The following UBE2D2 variants were observed in gnomAD, a reference collection of about 807,000 sequenced individuals.
UBE2D2 encodes ubiquitin conjugating enzyme E2 D2.
A neutral mutation model predicts 24.2 loss-of-function variants in UBE2D2; 2 were observed. That is an observed-to-expected ratio of 0.08 (90% CI 0.03 to 0.26). UBE2D2 has a LOEUF of 0.26. Among genes scored for constraint, UBE2D2 ranks in the 10% least tolerant of loss-of-function variants. The pLI, the probability that UBE2D2 is intolerant of heterozygous loss-of-function variation, is 1.00. For synonymous variants in UBE2D2, 58 were observed against 56.5 expected, an observed-to-expected ratio of 1.03 and a Z score of -0.12; for missense variants, 44 against 177.6, an observed-to-expected ratio of 0.25 and a Z score of 4.28.
At chr5:139,610,275 G>A (rs1045203714) in intron 2 of UBE2D2, among the ~76,000 whole-genome samples, 1 of 150,978 alleles carries the variant, frequency 6.6e-6, no homozygotes, top group Non-Finnish European at 1.5e-5. Context: ...GGGCACAGTG[G>A]CTCACGCCTG....
chr5:139,563,455 G>A (rs1407330612), intron 1 of UBE2D2, among the ~76,000 whole-genome samples: 2 of 152,044 alleles, frequency 1.3e-5, no homozygotes, highest in African/African-American at 4.8e-5. Context: ...AGGGGCAGGG[G>A]AGCACACTGA....
At chr5:139,594,791 A>G (rs1753926305) in intron 1 of UBE2D2, among the ~76,000 whole-genome samples, 1 of 152,140 alleles carries the variant, frequency 6.6e-6, no homozygotes, top group South Asian at 2.1e-4. Context: ...TCTAAACATA[A>G]TTATATATAC....
intron 1 of UBE2D2, chr5:139,562,379 G>T (rs1224723034): frequency 7.5e-7 from 1 of 1,330,388 alleles, no homozygotes; most frequent in Non-Finnish European, 9.9e-7. Flanking sequence ...AAACTGTTAA[G>T]AGTTGGAAGT....
At chr5:139,552,229 C>G (rs540054866) in intron 1 of UBE2D2, among the ~76,000 whole-genome samples, 8 of 146,330 alleles carry the variant, frequency 5.5e-5, no homozygotes, top group African/African-American at 2.0e-4. Context: ...GTGGCGTTAT[C>G]TGGGCTCACT....
chr5:139,538,838 C>G (rs1752719828), intron 1 of UBE2D2, among the ~76,000 whole-genome samples: 1 of 150,288 alleles, frequency 6.7e-6, no homozygotes. Context: ...CCATTGCACT[C>G]TAGCCAGGGC....
chr5:139,584,890 C>T (rs532969859), intron 1 of UBE2D2, among the ~76,000 whole-genome samples: 2 of 147,020 alleles, frequency 1.4e-5, no homozygotes, highest in Non-Finnish European at 3.0e-5. Context: ...GTGTATGTCA[C>T]TATAAACTAA....
At chr5:139,595,626 G>A (rs956140553) in intron 1 of UBE2D2, among the ~76,000 whole-genome samples, 5 of 151,694 alleles carry the variant, frequency 3.3e-5, no homozygotes, top group African/African-American at 7.3e-5. Flanking sequence ...GAGCCACTGT[G>A]CCCAGCCATG....
upstream of UBE2D2, among the ~76,000 whole-genome samples, chr5:139,558,788 T>G (rs773706823): frequency 6.6e-6 from 1 of 152,050 alleles, no homozygotes; most frequent in Non-Finnish European, 1.5e-5. Context: ...TATAGGTATG[T>G]CTTACAACAA....
rs1353648677 is a variant in UBE2D2 at position 139,600,368 on chromosome 5, G to A, written c.25-4G>A. The A allele has an allele frequency of 1.2e-6, 2 of 1,613,626 alleles. No individual in the cohort carries two copies. The highest frequency in any genetic ancestry group is 1.7e-6 in the Non-Finnish European group (2 of 1,179,926). ...TATATTTCTTTTCTTTCTTTTTTCTGTAGGAATTGAATGATCTGGCACGGG... is the reference window on the plus strand; with the variant it reads ...TATATTTCTTTTCTTTCTTTTTTCTATAGGAATTGAATGATCTGGCACGGG... On this transcript the variant is annotated splice_region_variant and splice_polypyrimidine_tract_variant and intron_variant, in intron 1 of 6. Coordinates refer to ENST00000398733, the MANE Select transcript of UBE2D2 (RefSeq NM_003339.3).
chr5:139,586,479 T>C (rs1223663583), intron 1 of UBE2D2, among the ~76,000 whole-genome samples: 2 of 152,094 alleles, frequency 1.3e-5, no homozygotes, highest in Non-Finnish European at 2.9e-5. Context: ...AAAAGAATTT[T>C]CTTAGGCTGG....
At chr5:139,608,579 ACCC>A (rs1412385712) in intron 2 of UBE2D2, among the ~76,000 whole-genome samples, 13 of 151,584 alleles carry the variant, frequency 8.6e-5, no homozygotes, top group Non-Finnish European at 1.9e-4. Flanking sequence ...ACATGGGAAG[ACCC>A]CGTCTCTATT....
At chr5:139,531,631 A>G (rs1243744221) in intron 1 of UBE2D2, among the ~76,000 whole-genome samples, 4 of 151,594 alleles carry the variant, frequency 2.6e-5, no homozygotes, top group African/African-American at 9.7e-5. Flanking sequence ...TATCCAAAAA[A>G]AAAAAAAGAA....
chr5:139,575,771 A>G (rs762657134), intron 1 of UBE2D2, among the ~76,000 whole-genome samples: 3 of 152,228 alleles, frequency 2.0e-5, no homozygotes, highest in African/African-American at 7.2e-5. Flanking sequence ...CATGCCTATA[A>G]TCTCAGTGCT....
intron 1 of UBE2D2, among the ~76,000 whole-genome samples, chr5:139,583,740 C>T (rs1408169322): frequency 2.0e-5 from 3 of 152,008 alleles, no homozygotes; most frequent in African/African-American, 7.3e-5. Context: ...CTAGCCTGGG[C>T]GACGGAGCGA....
intron 1 of UBE2D2, among the ~76,000 whole-genome samples, chr5:139,563,894 C>A (rs1753162786): frequency 1.3e-5 from 2 of 151,806 alleles, no homozygotes; most frequent in Admixed American, 1.3e-4. Flanking sequence ...GAGATCGCGC[C>A]ACTGCACTCC....
intron 2 of UBE2D2, among the ~76,000 whole-genome samples, chr5:139,601,498 C>T (rs1489364562): frequency 6.6e-6 from 1 of 152,144 alleles, no homozygotes; most frequent in East Asian, 1.9e-4. Context: ...GTCCGAGCTA[C>T]TTGGAAGGCT....
intron 5 of UBE2D2, among the ~76,000 whole-genome samples, chr5:139,616,374 A>T (rs1393083130): frequency 6.6e-6 from 1 of 152,056 alleles, no homozygotes; most frequent in African/African-American, 2.4e-5. Flanking sequence ...CTGTACTCTG[A>T]AAGGTGATAA....
chr5:139,568,328 C>G (rs1197356568), intron 1 of UBE2D2, among the ~76,000 whole-genome samples: 1 of 149,094 alleles, frequency 6.7e-6, no homozygotes, highest in Non-Finnish European at 1.5e-5. Flanking sequence ...TTTGCAACAG[C>G]GAGACTCCAT....
chr5:139,604,165 A>G (rs2126690002), intron 2 of UBE2D2, among the ~76,000 whole-genome samples: 1 of 146,516 alleles, frequency 6.8e-6, no homozygotes, highest in African/African-American at 2.5e-5. Flanking sequence ...TTTGAGACGG[A>G]ATCTCGCTTT....
Sources: gnomAD v4.1 joint callset for allele counts (sites outside exome capture counted in the v4.1 genomes callset) on GRCh38, gnomAD v4.1.1 for gene constraint, MANE v1.5 for transcripts, NCBI Gene and HGNC (gene_info 2026-07-23, HGNC 2026-07-21) for gene names.